The following MACROD2 variants were observed in gnomAD, a reference collection of about 807,000 sequenced individuals.
The protein encoded by MACROD2 is mono-ADP ribosylhydrolase 2, also known as ADP-ribose glycohydrolase MACROD2.
MACROD2 carries 36 observed loss-of-function variants against 70.4 expected under a neutral mutation model. The ratio of observed to expected loss-of-function variants is 0.51; its 90% CI spans 0.39 to 0.68. The LOEUF is 0.68. Ranked by LOEUF, MACROD2 falls within the 30% of genes least tolerant of loss-of-function variation. MACROD2 has a pLI of 0.00. For missense variants in MACROD2, 496 were observed against 538.4 expected, an observed-to-expected ratio of 0.92 and a Z score of 0.78; for synonymous variants, 172 against 178.8, an observed-to-expected ratio of 0.96 and a Z score of 0.30.
chr20:15,756,353 T>C (rs1013714023), intron 8 of MACROD2, among the ~76,000 whole-genome samples: 2 of 152,174 alleles, frequency 1.3e-5, no homozygotes, highest in Admixed American at 1.3e-4. Flanking sequence ...GAGTGTTTTA[T>C]AATGTATTCA....
intron 2 of MACROD2, among the ~76,000 whole-genome samples, chr20:14,067,105 C>T (rs1426077206): frequency 2.1e-5 from 3 of 142,870 alleles, no homozygotes; most frequent in East Asian, 4.2e-4. Context: ...GCTACTGCAC[C>T]TGGCCTGATT....
chr20:14,467,388 C>T (rs550921058), intron 3 of MACROD2, among the ~76,000 whole-genome samples: 13 of 152,230 alleles, frequency 8.5e-5, no homozygotes, highest in East Asian at 3.9e-4. Context: ...GTTGGAAAAG[C>T]GCAGTATTAA....
In MACROD2 at chr20:15,752,714, G is replaced by A. The variant is rs1028909573; in HGVS notation, c.646-110031G>A. On this transcript the variant is annotated intron_variant, in intron 8 of 17. Transcript: ENST00000684519. ...CCTCTGTGATGTGATATTCCATTTCGCTGGAATCACTTGTATATTTTTTTA... is the reference window on the plus strand; with the variant it reads ...CCTCTGTGATGTGATATTCCATTTCACTGGAATCACTTGTATATTTTTTTA... Among the ~76,000 whole-genome samples the A allele has an allele frequency of 2.6e-5, 4 of 151,934 alleles. No individual in the cohort carries two copies. The South Asian group carries it at 8.3e-4, about 32-fold the overall frequency.
At chr20:15,706,497 A>G (rs962413657) in intron 8 of MACROD2, among the ~76,000 whole-genome samples, 3 of 152,230 alleles carry the variant, frequency 2.0e-5, no homozygotes, top group African/African-American at 7.2e-5. Context: ...TCAAGTGAAC[A>G]GGCACAAAGT....
chr20:14,159,586 T>C (rs889876533), intron 3 of MACROD2, among the ~76,000 whole-genome samples: 1 of 152,242 alleles, frequency 6.6e-6, no homozygotes, highest in African/African-American at 2.4e-5. Context: ...TCCTGTAACT[T>C]TACTGAAATT....
At chr20:14,679,691 G>A (rs1395198167) in intron 4 of MACROD2, among the ~76,000 whole-genome samples, 4 of 151,912 alleles carry the variant, frequency 2.6e-5, no homozygotes, top group African/African-American at 9.7e-5. Flanking sequence ...TTGCTTTTGA[G>A]CATAGAATTG....
intron 8 of MACROD2, among the ~76,000 whole-genome samples, chr20:15,707,421 T>C (rs942215784): frequency 6.6e-6 from 1 of 152,152 alleles, no homozygotes; most frequent in Non-Finnish European, 1.5e-5. Flanking sequence ...ACTGGGAATA[T>C]GGTGATTAAT....
chr20:14,520,492 ATT>A lies in MACROD2; in HGVS notation c.301+26995_301+26996del, dbSNP rs11379255. Among the ~76,000 whole-genome samples, 250 of 144,896 alleles carry A rather than the reference ATT, an allele frequency of 1.7e-3. 2 individuals carry two copies. Among genetic ancestry groups the A allele is most frequent in the African/African-American group, 5.5e-3 (218 of 39,378 alleles). The stretch of plus-strand genomic sequence containing the variant: ...ACTGTTTGAGGTTTTTTTTGTTATT[ATT>A]TTTTTTTTTTCTGTTTCTACAGCTT... On this transcript the variant is annotated intron_variant, in intron 4 of 17. Coordinates refer to ENST00000684519, the MANE Select transcript of MACROD2 (RefSeq NM_001351661.2).
intron 5 of MACROD2, among the ~76,000 whole-genome samples, chr20:14,734,837 A>G (rs1403713430): frequency 1.3e-5 from 2 of 152,292 alleles, no homozygotes; most frequent in East Asian, 1.9e-4. Context: ...AAATCCATGC[A>G]TCTATGGGCC....
chr20:16,022,351 TCA>T (rs1281208737), intron 15 of MACROD2, among the ~76,000 whole-genome samples: 2 of 151,938 alleles, frequency 1.3e-5, no homozygotes, highest in African/African-American at 4.8e-5. Flanking sequence ...GCGCCCAGCC[TCA>T]GTTTCTTTTT....
At chr20:15,748,050 C>G (rs766532250) in intron 8 of MACROD2, among the ~76,000 whole-genome samples, 3 of 152,102 alleles carry the variant, frequency 2.0e-5, no homozygotes, top group Non-Finnish European at 4.4e-5. Context: ...CTACAAATCC[C>G]AGTGTCTGAA....
intron 5 of MACROD2, among the ~76,000 whole-genome samples, chr20:15,184,935 T>C (rs967376324): frequency 6.6e-6 from 1 of 152,170 alleles, no homozygotes; most frequent in Non-Finnish European, 1.5e-5. Context: ...TCGGGAGCTG[T>C]TGTTTCAGTA....
At chr20:14,985,679 CTTA>C (rs1490425551) in intron 5 of MACROD2, among the ~76,000 whole-genome samples, 1 of 132,640 alleles carries the variant, frequency 7.5e-6, no homozygotes, top group Non-Finnish European at 1.6e-5. Context: ...GCTGTATTCT[CTTA>C]TTCTTTTTTT....
chr20:14,002,238 C>A, intron 1 of MACROD2, 50 bp from the exon 2 acceptor site: 1 of 1,211,468 alleles, frequency 8.3e-7, no homozygotes, highest in South Asian at 1.4e-5. Flanking sequence ...AAAATAATTC[C>A]CATGTTTAAA....
At chr20:14,555,167 C>G (rs1301873111) in intron 4 of MACROD2, among the ~76,000 whole-genome samples, 1 of 151,912 alleles carries the variant, frequency 6.6e-6, no homozygotes, top group Non-Finnish European at 1.5e-5. Flanking sequence ...GAGGGATACC[C>G]CATTCTCCAT....
rs147873753 is a variant in MACROD2 at position 15,070,948 on chromosome 20, C to T, written c.419-158992C>T. On this transcript the variant is annotated intron_variant, in intron 5 of 17. Coordinates refer to ENST00000684519, the MANE Select transcript of MACROD2 (RefSeq NM_001351661.2). ...AACCCAAAAAAGTCTTAAATTATTA[C>T]GAATAGCAAAAATTAGTGATCAGCA... is the stretch of plus-strand genomic sequence containing the variant. 2.5e-3 allele frequency among the ~76,000 whole-genome samples: 379 copies of T among 148,822 alleles called. 3 individuals are homozygous for T. The highest frequency in any genetic ancestry group is 9.1e-3 in the African/African-American group (372 of 40,728).
At chr20:15,867,618 T>C (rs2064511992) in intron 9 of MACROD2, among the ~76,000 whole-genome samples, 2 of 152,142 alleles carry the variant, frequency 1.3e-5, no homozygotes, top group South Asian at 4.1e-4. Flanking sequence ...ATTTATTGTG[T>C]GCAGTTTTCA....
At chr20:15,546,459 G>C (rs2048027513) in intron 8 of MACROD2, among the ~76,000 whole-genome samples, 1 of 152,162 alleles carries the variant, frequency 6.6e-6, no homozygotes, top group Non-Finnish European at 1.5e-5. Flanking sequence ...GTGACAGCCA[G>C]GGCAGCTTGA....
intron 5 of MACROD2, among the ~76,000 whole-genome samples, chr20:15,183,576 C>G (rs970623971): frequency 2.0e-5 from 3 of 152,168 alleles, no homozygotes; most frequent in South Asian, 2.1e-4. Context: ...CCCCATGCCC[C>G]ATACCTCTAG....
Sources: gnomAD v4.1 joint callset for allele counts (sites outside exome capture counted in the v4.1 genomes callset) on GRCh38, gnomAD v4.1.1 for gene constraint, MANE v1.5 for transcripts, NCBI Gene and HGNC (gene_info 2026-07-23, HGNC 2026-07-21) for gene names.